DHX29: variants seen among roughly 807,000 people sequenced by gnomAD.
DHX29 encodes the protein DExH-box helicase 29, also known as ATP-dependent RNA helicase DHX29.
In DHX29, 79 loss-of-function variants were observed where a neutral mutation model predicts 167.9. That is an observed-to-expected ratio of 0.47 (90% CI 0.39 to 0.57). The LOEUF (loss-of-function observed/expected upper bound fraction) is 0.57, where lower values mean the gene tolerates loss of function less well. Among genes scored for constraint, DHX29 ranks in the 20% least tolerant of loss-of-function variants. The pLI, the probability that DHX29 is intolerant of heterozygous loss-of-function variation, is 0.00. For missense variants in DHX29, 1,347 were observed against 1,593.4 expected (o/e 0.85, Z 2.63); for synonymous variants, 530 against 546.0 (o/e 0.97, Z 0.41).
chr5:55,277,502 A>G (rs1747176760), intron 12 of DHX29, among the ~76,000 whole-genome samples: 1 of 151,694 alleles, frequency 6.6e-6, no homozygotes, highest in Non-Finnish European at 1.5e-5. Flanking sequence ...AAAATCATAT[A>G]GTGAACTAGA....
rs748930440 is a variant in DHX29 at position 55,290,292 on chromosome 5, G to A, written c.833C>T (p.Ala278Val). ...GTTTTTTTCTAGTTTAAAGGTAGCT[G>A]CTTGTTCTTTTGCATCCAGCAGTTT... ...AAKLLDAKEQ[A>V]ATFKLEKNKQ... Residue 278 changes from alanine (A) to valine (V), a missense_variant, in exon 7 of 27, where the codon GCA (alanine) becomes GTA (valine). Coordinates refer to ENST00000251636, the MANE Select transcript of DHX29 (RefSeq NM_019030.4). 2 of 1,611,914 alleles carry A rather than the reference G, an allele frequency of 1.2e-6. No homozygotes were observed. Among genetic ancestry groups the A allele is most frequent in the South Asian group, 1.1e-5 (1 of 90,816 alleles).
intron 6 of DHX29, among the ~76,000 whole-genome samples, 182 bp from the exon 7 acceptor site, chr5:55,290,526 A>G (rs1027033220): frequency 6.6e-6 from 1 of 152,212 alleles, no homozygotes; most frequent in African/African-American, 2.4e-5. Context: ...AGGTGCATAG[A>G]TGTTTGGTGA....
chr5:55,264,229 G>A (rs568772426), intron 23 of DHX29, among the ~76,000 whole-genome samples: 16 of 152,200 alleles, frequency 1.1e-4, no homozygotes, highest in African/African-American at 3.6e-4. Flanking sequence ...GGGGAGCCCT[G>A]CTTTTCACAT....
At position 55,287,385 on chromosome 5, in the gene DHX29, G is replaced by A. The variant is rs1278336617; in HGVS notation, c.1067-1524C>T. 2.0e-5 allele frequency among the ~76,000 whole-genome samples: 3 copies of A among 152,196 alleles called. No homozygotes were observed. The South Asian group carries it at 6.2e-4, about 32-fold the overall frequency. Reference sequence around the variant, plus strand: ...GAACCTGGGAGGCTGAGGTTGCAGTGAGCCAAGATCGTGCCACTGTTCTCC... The same window carrying A: ...GAACCTGGGAGGCTGAGGTTGCAGTAAGCCAAGATCGTGCCACTGTTCTCC... On this transcript the variant is annotated intron_variant, in intron 8 of 26. Transcript: ENST00000251636.
Position 55,267,872 on chromosome 5 carries a change from C to T in DHX29, c.3295-50G>A, listed in dbSNP as rs892471300. 7 of 1,410,366 alleles carry T rather than the reference C, an allele frequency of 5.0e-6. No homozygotes were observed. In the African/African-American group the frequency reaches 5.7e-5, roughly 12 times the overall value. The allele number at this position is 1,410,366 out of a possible 1,614,324, so 87.4% of individuals were successfully genotyped here. A position where few individuals can be genotyped will look rare whatever the true frequency, so the allele number is the denominator to read the frequency against. ...AACAATTTATCATTAAAGAGCAATA[C>T]AGTGAAAGTTAACTTATAAAAGAAA... On this transcript the variant is annotated intron_variant, in intron 21 of 26. Coordinates refer to ENST00000251636, the MANE Select transcript of DHX29 (RefSeq NM_019030.4).
intron 10 of DHX29, among the ~76,000 whole-genome samples, chr5:55,284,366 T>C (rs1747606449): frequency 6.6e-6 from 1 of 152,242 alleles, no homozygotes; most frequent in Non-Finnish European, 1.5e-5. Context: ...TTAAATTAAC[T>C]ATACTGGATA....
At chr5:55,268,773 A>G (rs933135519) in intron 21 of DHX29, among the ~76,000 whole-genome samples, 1 of 152,206 alleles carries the variant, frequency 6.6e-6, no homozygotes, top group Non-Finnish European at 1.5e-5. Context: ...AATTTGAGAA[A>G]AGAGAACTCT....
In DHX29 at chr5:55,262,693, T is replaced by C; in HGVS notation, c.3765A>G (p.Gln1255=). 1 of 1,614,148 alleles carries C rather than the reference T, an allele frequency of 6.2e-7. No homozygotes were observed. The highest frequency in any genetic ancestry group is 8.5e-7 in the Non-Finnish European group (1 of 1,179,980). Residue 1255 remains glutamine (Q), a synonymous_variant, in exon 24 of 27, where the codon CAA becomes CAG. Coordinates refer to ENST00000251636, the MANE Select transcript of DHX29 (RefSeq NM_019030.4). ...CIVETAQGKA[Q]VHPSSVNRDL... is the part of the protein sequence containing the mutation. ...CTCGATTTACTGAGGATGGGTGTAC[T>C]TGTGCTTTGCCTTGGGCCGTCTCCA...
intron 6 of DHX29, among the ~76,000 whole-genome samples, chr5:55,291,195 AG>A (rs1243813478): frequency 6.6e-6 from 1 of 152,248 alleles, no homozygotes; most frequent in African/African-American, 2.4e-5. Flanking sequence ...AGCAAAAACT[AG>A]GAAGAGTTTA....
chr5:55,265,503 G>A (rs1746514871), intron 23 of DHX29, among the ~76,000 whole-genome samples: 1 of 152,036 alleles, frequency 6.6e-6, no homozygotes, highest in East Asian at 1.9e-4. Context: ...GCCATATCCA[G>A]AATGCAGGAA....
intron 14 of DHX29, among the ~76,000 whole-genome samples, chr5:55,275,603 G>A (rs1044952782): frequency 6.6e-6 from 1 of 152,124 alleles, no homozygotes; most frequent in African/African-American, 2.4e-5. Flanking sequence ...TCATGGCTAT[G>A]ACAAAAATGC....
At chr5:55,304,739 G>C (rs1248421954) in intron 1 of DHX29, among the ~76,000 whole-genome samples, 1 of 151,920 alleles carries the variant, frequency 6.6e-6, no homozygotes, top group East Asian at 1.9e-4. Flanking sequence ...GGTATTACTT[G>C]TTGTGCAAGC....
intron 20 of DHX29, among the ~76,000 whole-genome samples, chr5:55,270,022 CTTTGT>C (rs1311021813): frequency 6.6e-6 from 1 of 151,938 alleles, no homozygotes; most frequent in Non-Finnish European, 1.5e-5. Flanking sequence ...CTGGATAATT[CTTTGT>C]TTTAGGGAGC....
At chr5:55,267,562 A>G in intron 22 of DHX29, 124 bp downstream of exon 22, 1 of 831,200 alleles carries the variant, frequency 1.2e-6, no homozygotes, top group Non-Finnish European at 1.7e-6. Flanking sequence ...ACCTTGACAG[A>G]TGAAATAACT....
intron 12 of DHX29, among the ~76,000 whole-genome samples, chr5:55,278,601 A>G (rs1747241100): frequency 6.6e-6 from 1 of 152,196 alleles, no homozygotes; most frequent in African/African-American, 2.4e-5. Flanking sequence ...GTGCAGTAAG[A>G]AGATACTGTA....
At chr5:55,276,497 G>A in intron 13 of DHX29, 91 bp from the exon 14 acceptor site, 1 of 974,852 alleles carries the variant, frequency 1.0e-6, no homozygotes, top group Non-Finnish European at 1.5e-6. Context: ...CCTTTTGAAT[G>A]TCACCAAATG....
At chr5:55,274,021 A>C (rs1403638089) in intron 16 of DHX29, among the ~76,000 whole-genome samples, 1 of 149,022 alleles carries the variant, frequency 6.7e-6, no homozygotes, top group African/African-American at 2.5e-5. Context: ...CCGGAGGCAG[A>C]GGTTGCAGTA....
At chr5:55,265,102 A>C (rs1377943700) in intron 23 of DHX29, among the ~76,000 whole-genome samples, 1 of 151,568 alleles carries the variant, frequency 6.6e-6, no homozygotes, top group Non-Finnish European at 1.5e-5. Context: ...AAGAAAAAAA[A>C]AAAAACAAAG....
At chr5:55,287,897 C>T (rs1391081036) in intron 8 of DHX29, among the ~76,000 whole-genome samples, 2 of 142,554 alleles carry the variant, frequency 1.4e-5, no homozygotes. Context: ...TGCAGTGAAC[C>T]GAGATTGTGC....
Sources: allele counts gnomAD v4.1 joint callset (sites outside exome capture counted in the v4.1 genomes callset), GRCh38; gene constraint gnomAD v4.1.1; transcripts MANE v1.5; gene names NCBI Gene and HGNC (gene_info 2026-07-23, HGNC 2026-07-21).